Variants in MAGI2 observed in about 807,000 individuals in gnomAD.
The protein encoded by MAGI2 is membrane associated guanylate kinase, WW and PDZ domain containing 2, also known as membrane-associated guanylate kinase, WW and PDZ domain-containing protein 2.
Under a neutral mutation model 133.3 loss-of-function variants are expected in MAGI2, and 35 were observed. The ratio of observed to expected loss-of-function variants is 0.26; its 90% confidence interval spans 0.20 to 0.35. The LOEUF is 0.35. Ranked by LOEUF, MAGI2 falls within the 10% of genes least tolerant of loss-of-function variation. The pLI is 1.00. For missense variants in MAGI2, 1,636 were observed against 1,863.4 expected, an observed-to-expected ratio of 0.88 and a Z score of 2.25; for synonymous variants, 729 against 710.6, an observed-to-expected ratio of 1.03 and a Z score of -0.41.
At chr7:78,078,870 T>C (rs1276304845) in intron 21 of MAGI2, 77 bp downstream of exon 21, 7 of 1,547,258 alleles carry the variant, frequency 4.5e-6, no homozygotes, top group Non-Finnish European at 5.3e-6. Flanking sequence ...AGAACTGATG[T>C]AGTTTTATAA....
At chr7:78,590,637 T>C (rs1803900802) in intron 3 of MAGI2, among the ~76,000 whole-genome samples, 1 of 152,228 alleles carries the variant, frequency 6.6e-6, no homozygotes, top group South Asian at 2.1e-4. Context: ...AAATGCTTTT[T>C]GCTAGTCACG....
At chr7:79,364,641 C>G (rs894849016) in intron 1 of MAGI2, among the ~76,000 whole-genome samples, 1 of 151,954 alleles carries the variant, frequency 6.6e-6, no homozygotes, top group African/African-American at 2.4e-5. Flanking sequence ...AGATCCCACA[C>G]AATCATATTC....
At chr7:79,093,194 ACT>A (rs1817217274) in intron 1 of MAGI2, among the ~76,000 whole-genome samples, 1 of 151,806 alleles carries the variant, frequency 6.6e-6, no homozygotes, top group South Asian at 2.1e-4. Flanking sequence ...AAAAAGAATG[ACT>A]CATGCTGGGA....
At chr7:78,503,226 C>G (rs1043642195) in intron 4 of MAGI2, among the ~76,000 whole-genome samples, 2 of 152,048 alleles carry the variant, frequency 1.3e-5, no homozygotes, top group Admixed American at 6.5e-5. Context: ...TTTGAACATG[C>G]AAAAGTTCTG....
At chr7:78,369,515 C>A (rs975746307) in intron 6 of MAGI2, among the ~76,000 whole-genome samples, 2 of 152,138 alleles carry the variant, frequency 1.3e-5, no homozygotes, top group East Asian at 1.9e-4. Context: ...ATATAGAAGG[C>A]AAATCGCTTT....
At chr7:78,384,348 T>C (rs1205899897) in intron 6 of MAGI2, among the ~76,000 whole-genome samples, 1 of 152,136 alleles carries the variant, frequency 6.6e-6, no homozygotes, top group Non-Finnish European at 1.5e-5. Context: ...GATCAGATAG[T>C]TTCAGGCAGA....
intron 2 of MAGI2, among the ~76,000 whole-genome samples, chr7:78,991,703 C>G (rs1319483913): frequency 6.6e-6 from 1 of 151,584 alleles, no homozygotes; most frequent in African/African-American, 2.4e-5. Context: ...CCAACTGTCC[C>G]TAATTATCTT....
chr7:79,403,253 T>C (rs1845590719), intron 1 of MAGI2, among the ~76,000 whole-genome samples: 1 of 152,204 alleles, frequency 6.6e-6, no homozygotes, highest in Non-Finnish European at 1.5e-5. Context: ...TACTTGTATG[T>C]TTACTGCTTT....
intron 2 of MAGI2, among the ~76,000 whole-genome samples, chr7:78,903,326 TG>T (rs1797761221): frequency 6.6e-6 from 1 of 151,716 alleles, no homozygotes; most frequent in Non-Finnish European, 1.5e-5. Context: ...CCCAGGTAGC[TG>T]GGACTACAGG....
chr7:78,354,006 G>A (rs769177117), intron 7 of MAGI2, among the ~76,000 whole-genome samples: 3 of 152,156 alleles, frequency 2.0e-5, no homozygotes, highest in Non-Finnish European at 2.9e-5. Flanking sequence ...GAACTTGGGA[G>A]CATTATAAGA....
chr7:78,887,488 A>G (rs560322679), intron 2 of MAGI2, among the ~76,000 whole-genome samples: 1 of 152,298 alleles, frequency 6.6e-6, no homozygotes, highest in East Asian at 1.9e-4. Context: ...TTTGAGGTTC[A>G]CTGGTATGGA....
intron 21 of MAGI2, among the ~76,000 whole-genome samples, chr7:78,033,480 A>C (rs1293630216): frequency 3.8e-5 from 1 of 26,258 alleles, no homozygotes; most frequent in Non-Finnish European, 8.5e-5. Context: ...CTCAAAAAAA[A>C]AAAAAAAAAA....
At chr7:79,104,065 G>T (rs1037815707) in intron 1 of MAGI2, among the ~76,000 whole-genome samples, 2 of 152,126 alleles carry the variant, frequency 1.3e-5, no homozygotes, top group African/African-American at 4.8e-5. Context: ...ATCAAGCTGT[G>T]CACTTAAGAT....
intron 1 of MAGI2, among the ~76,000 whole-genome samples, chr7:79,343,041 G>C (rs1563134846): frequency 6.6e-6 from 1 of 152,082 alleles, no homozygotes; most frequent in Non-Finnish European, 1.5e-5. Flanking sequence ...TGGGATTACA[G>C]GCGTGATCCA....
At chr7:79,015,908 A>C (rs2116632738) in intron 1 of MAGI2, among the ~76,000 whole-genome samples, 1 of 149,896 alleles carries the variant, frequency 6.7e-6, no homozygotes, top group South Asian at 2.1e-4. Flanking sequence ...AAATGGAGAG[A>C]GGGAAGACAC....
intron 2 of MAGI2, among the ~76,000 whole-genome samples, chr7:78,828,963 G>A (rs1244605484): frequency 6.6e-6 from 1 of 152,046 alleles, no homozygotes; most frequent in Non-Finnish European, 1.5e-5. Context: ...TGTGCAACTG[G>A]AGTAAATTCA....
chr7:78,398,177 T>C (rs1329976341), intron 6 of MAGI2, among the ~76,000 whole-genome samples: 1 of 152,158 alleles, frequency 6.6e-6, no homozygotes, highest in Non-Finnish European at 1.5e-5. Context: ...AAATAATCCA[T>C]GATCAAAGAC....
chr7:79,269,604 C>T (rs953739211), intron 1 of MAGI2, among the ~76,000 whole-genome samples: 1 of 152,032 alleles, frequency 6.6e-6, no homozygotes, highest in African/African-American at 2.4e-5. Context: ...CATAAAAATG[C>T]CTTTGGTGCT....
chr7:78,925,343 G>T (rs1330861153), intron 2 of MAGI2, among the ~76,000 whole-genome samples: 3 of 152,092 alleles, frequency 2.0e-5, no homozygotes, highest in African/African-American at 7.2e-5. Flanking sequence ...CCAGGTTACA[G>T]ATATTTGATA....
Sources: gnomAD v4.1 joint callset for allele counts (sites outside exome capture counted in the v4.1 genomes callset) on GRCh38, gnomAD v4.1.1 for gene constraint, MANE v1.5 for transcripts, NCBI Gene and HGNC (gene_info 2026-07-23, HGNC 2026-07-21) for gene names.